WWOX: variants seen among roughly 807,000 people sequenced by gnomAD.
WWOX encodes WW domain-containing oxidoreductase.
WWOX carries 69 observed loss-of-function variants against 46.2 expected under a neutral mutation model. That is an observed-to-expected ratio of 1.49 (90% CI 1.23 to 1.82). WWOX has a LOEUF of 1.82. WWOX is among the 40% of genes most tolerant of loss of function. The probability of loss-of-function intolerance (pLI) is 0.00; values close to 1 mark genes in which losing one functional copy is unlikely to be tolerated. For synonymous variants in WWOX, 359 were observed against 202.6 expected, an observed-to-expected ratio of 1.77 and a Z score of -6.56; for missense variants, 919 against 542.6, an observed-to-expected ratio of 1.69 and a Z score of -6.89.
At chr16:78,607,541 A>G (rs1159201679) in intron 8 of WWOX, among the ~76,000 whole-genome samples, 2 of 152,312 alleles carry the variant, frequency 1.3e-5, no homozygotes, top group East Asian at 3.9e-4. Context: ...AACCAACCAA[A>G]GGGTCTTAGA....
At chr16:79,030,308 C>T (rs2151394414) in intron 8 of WWOX, among the ~76,000 whole-genome samples, 1 of 152,264 alleles carries the variant, frequency 6.6e-6, no homozygotes, top group African/African-American at 2.4e-5. Flanking sequence ...TTCTCTCCTC[C>T]AGTGCGTACG....
chr16:79,094,662 T>A (rs2049033752), intron 8 of WWOX, among the ~76,000 whole-genome samples: 1 of 152,188 alleles, frequency 6.6e-6, no homozygotes, highest in Non-Finnish European at 1.5e-5. Context: ...AGTTAGCATT[T>A]TCTAGAAGTT....
chr16:78,743,875 A>G (rs2049287570), intron 8 of WWOX, among the ~76,000 whole-genome samples: 1 of 152,178 alleles, frequency 6.6e-6, no homozygotes, highest in Non-Finnish European at 1.5e-5. Context: ...TCTATAGGGT[A>G]TTTAAACCCC....
intron 8 of WWOX, among the ~76,000 whole-genome samples, chr16:78,909,031 A>T (rs779642173): frequency 5.3e-5 from 8 of 152,156 alleles, no homozygotes; most frequent in Non-Finnish European, 8.8e-5. Context: ...AAGGGCTGTT[A>T]TCATCTTTTG....
chr16:78,366,844 A>G (rs566574577), intron 5 of WWOX, among the ~76,000 whole-genome samples: 17 of 152,082 alleles, frequency 1.1e-4, no homozygotes, highest in Non-Finnish European at 1.9e-4. Context: ...CTTTCTACAC[A>G]TATAGAAACT....
intron 8 of WWOX, among the ~76,000 whole-genome samples, chr16:78,562,853 C>T (rs2044471796): frequency 6.6e-6 from 1 of 152,156 alleles, no homozygotes; most frequent in African/African-American, 2.4e-5. Flanking sequence ...TCATCACATC[C>T]CATAGCTGAG....
chr16:79,208,614 ATTAAAGTGCTCTTTAAATTTTTTTT>A (rs1415254179), intron 8 of WWOX, among the ~76,000 whole-genome samples: 1 of 142,946 alleles, frequency 7.0e-6, no homozygotes, highest in East Asian at 2.0e-4. Context: ...TCTGATGGTG[ATTAAAGTGCTCTTTAAATTTTTTTT>A]TTAATCAGTT....
At chr16:78,596,437 GC>G (rs2045492449) in intron 8 of WWOX, among the ~76,000 whole-genome samples, 1 of 150,026 alleles carries the variant, frequency 6.7e-6, no homozygotes, top group Non-Finnish European at 1.5e-5. Context: ...GGCTGCTGTG[GC>G]AACCCACAGC....
chr16:79,104,062 G>GGGGGT (rs2049259541), intron 8 of WWOX, among the ~76,000 whole-genome samples: 2 of 136,824 alleles, frequency 1.5e-5, no homozygotes, highest in African/African-American at 2.7e-5. Flanking sequence ...GGGTGGTGGG[G>GGGGGT]GTACTTACTA....
intron 8 of WWOX, among the ~76,000 whole-genome samples, chr16:79,103,015 C>G (rs2049233629): frequency 6.6e-6 from 1 of 152,086 alleles, no homozygotes; most frequent in Non-Finnish European, 1.5e-5. Flanking sequence ...CCTCTTCTTC[C>G]CTCTTCTTTG....
chr16:79,117,480 G>C (rs944478890), intron 8 of WWOX, among the ~76,000 whole-genome samples: 8 of 152,188 alleles, frequency 5.3e-5, no homozygotes, highest in African/African-American at 1.4e-4. Context: ...AAGGACCCTA[G>C]GATTTTGGGA....
chr16:78,190,304 A>G (rs2035844493), intron 5 of WWOX, among the ~76,000 whole-genome samples: 1 of 152,180 alleles, frequency 6.6e-6, no homozygotes, highest in Non-Finnish European at 1.5e-5. Context: ...ACAGTAAGAA[A>G]GGTGACGTCA....
At chr16:78,716,483 G>T (rs979676709) in intron 8 of WWOX, among the ~76,000 whole-genome samples, 5 of 152,130 alleles carry the variant, frequency 3.3e-5, no homozygotes, top group African/African-American at 9.7e-5. Context: ...GTGTTATTTG[G>T]CAGAGGAAGA....
At chr16:78,779,609 A>C (rs531831420) in intron 8 of WWOX, among the ~76,000 whole-genome samples, 1 of 152,274 alleles carries the variant, frequency 6.6e-6, no homozygotes, top group Non-Finnish European at 1.5e-5. Flanking sequence ...TACCCACTTC[A>C]TTTTAAGTAG....
chr16:78,230,175 C>G (rs1348971079), intron 5 of WWOX, among the ~76,000 whole-genome samples: 1 of 150,164 alleles, frequency 6.7e-6, no homozygotes, highest in Non-Finnish European at 1.5e-5. Flanking sequence ...CTACCGTGCC[C>G]GTGCCCGGCC....
At chr16:78,426,737 C>T (rs1293434157) in intron 7 of WWOX, among the ~76,000 whole-genome samples, 1 of 152,146 alleles carries the variant, frequency 6.6e-6, no homozygotes, top group Non-Finnish European at 1.5e-5. Flanking sequence ...GATCTCGGCT[C>T]ACCACAACTT....
intron 8 of WWOX, among the ~76,000 whole-genome samples, chr16:78,468,308 T>C (rs865965363): frequency 9.9e-5 from 15 of 151,360 alleles, no homozygotes; most frequent in African/African-American, 3.6e-4. Context: ...CAGAACACTG[T>C]ACTCCAGACT....
At chr16:79,159,075 G>T (rs1163864545) in intron 8 of WWOX, among the ~76,000 whole-genome samples, 2 of 152,196 alleles carry the variant, frequency 1.3e-5, no homozygotes, top group East Asian at 3.9e-4. Context: ...TCCAGCCCCA[G>T]TAGGCTTCTG....
intron 8 of WWOX, among the ~76,000 whole-genome samples, chr16:79,126,033 A>C (rs572017939): frequency 7.9e-5 from 12 of 152,328 alleles, no homozygotes; most frequent in African/African-American, 2.9e-4. Flanking sequence ...GAATGAATGG[A>C]TAAACATGTA....
Sources: allele counts gnomAD v4.1 joint callset (sites outside exome capture counted in the v4.1 genomes callset), GRCh38; gene constraint gnomAD v4.1.1; transcripts MANE v1.5; gene names NCBI Gene and HGNC (gene_info 2026-07-23, HGNC 2026-07-21).